The following NRCAM variants were observed in gnomAD, a reference collection of about 807,000 sequenced individuals.
NRCAM encodes the protein neuronal cell adhesion molecule, also known as NgCAM-related cell adhesion molecule.
Under a neutral mutation model 156.5 loss-of-function variants are expected in NRCAM, and 83 were observed. The ratio of observed to expected loss-of-function variants is 0.53; its 90% CI spans 0.44 to 0.64. The LOEUF is 0.64. Ranked by LOEUF, NRCAM falls within the 30% of genes least tolerant of loss-of-function variation. NRCAM has a pLI of 0.00. For synonymous variants in NRCAM, 538 were observed against 563.9 expected, an observed-to-expected ratio of 0.95 and a Z score of 0.65; for missense variants, 1,417 against 1,597.3, an observed-to-expected ratio of 0.89 and a Z score of 1.92.
intron 2 of NRCAM, among the ~76,000 whole-genome samples, chr7:108,342,430 T>C (rs1026057261): frequency 6.6e-6 from 1 of 152,252 alleles, no homozygotes; most frequent in Non-Finnish European, 1.5e-5. Flanking sequence ...ACCAGGCTTC[T>C]GCCGAATATG....
At chr7:108,155,799 T>A (rs75986609) in intron 32 of NRCAM, among the ~76,000 whole-genome samples, 23,370 of 151,872 alleles carry the variant, frequency 0.15, 2,444 homozygotes, top group African/African-American at 0.3. Context: ...GAAAATTTTT[T>A]TAAAAATTCT....
chr7:108,364,496 ACTC>A, intron 2 of NRCAM, among the ~76,000 whole-genome samples: 1 of 151,966 alleles, frequency 6.6e-6, no homozygotes, highest in East Asian at 1.9e-4. Flanking sequence ...CAGAGATTCC[ACTC>A]CTATGTATAG....
intron 13 of NRCAM, among the ~76,000 whole-genome samples, chr7:108,206,212 C>A (rs1198957209): frequency 6.6e-6 from 1 of 152,230 alleles, no homozygotes; most frequent in South Asian, 2.1e-4. Flanking sequence ...AGTCACCCTG[C>A]AGTTGTCAGA....
intron 8 of NRCAM, among the ~76,000 whole-genome samples, chr7:108,228,657 TA>T (rs2093856132): frequency 6.6e-6 from 1 of 152,232 alleles, no homozygotes. Flanking sequence ...AAAAATTAGT[TA>T]TGTATTCAGA....
intron 2 of NRCAM, among the ~76,000 whole-genome samples, chr7:108,347,577 T>C (rs1261319031): frequency 6.6e-6 from 1 of 152,214 alleles, no homozygotes; most frequent in African/African-American, 2.4e-5. Flanking sequence ...CCCTGAGGAT[T>C]TGATCCCCAA....
At chr7:108,268,484 C>A (rs2097190558) in intron 3 of NRCAM, among the ~76,000 whole-genome samples, 1 of 151,968 alleles carries the variant, frequency 6.6e-6, no homozygotes, top group Non-Finnish European at 1.5e-5. Flanking sequence ...CTGGCATAAC[C>A]TCTGTGCAAG....
intron 2 of NRCAM, among the ~76,000 whole-genome samples, chr7:108,324,486 G>T (rs1012258156): frequency 1.3e-5 from 2 of 152,080 alleles, no homozygotes; most frequent in South Asian, 2.1e-4. Context: ...CCAAATTTGG[G>T]TGTAGTCAAA....
chr7:108,378,137 A>G (rs2099684213), intron 2 of NRCAM, among the ~76,000 whole-genome samples: 1 of 152,214 alleles, frequency 6.6e-6, no homozygotes, highest in South Asian at 2.1e-4. Flanking sequence ...CCAGCAGAAT[A>G]CACTGCACAG....
chr7:108,259,992 TTAAAA>T lies in NRCAM; in HGVS notation c.-106-19827_-106-19823del, dbSNP rs2096832619. Reference sequence around the variant, plus strand: ...ACATCCTTCACATGTACCGCAGAACTTAAAATAAAATTTGAATTTTTAAAAAAGCT... The same window carrying T: ...ACATCCTTCACATGTACCGCAGAACTTAAAATTTGAATTTTTAAAAAAGCT... On this transcript the variant is annotated intron_variant, in intron 3 of 32. Coordinates refer to ENST00000379028, the MANE Select transcript of NRCAM (RefSeq NM_001037132.4). Among the ~76,000 whole-genome samples the T allele has an allele frequency of 5.3e-5, 8 of 152,322 alleles. No homozygotes were observed. In the South Asian group the frequency reaches 1.7e-3, roughly 32 times the overall value.
At chr7:108,253,094 T>TA (rs1244618277) in intron 3 of NRCAM, among the ~76,000 whole-genome samples, 9 of 152,230 alleles carry the variant, frequency 5.9e-5, no homozygotes, top group Non-Finnish European at 1.2e-4. Flanking sequence ...CTAAGGCACT[T>TA]AGAGTTCTTT....
At position 108,194,189 on chromosome 7, in the gene NRCAM, C is replaced by G; in HGVS notation, c.1631-18G>C. 6.2e-7 allele frequency: 1 copy of G among 1,612,944 alleles called. No homozygotes were observed. Among genetic ancestry groups the G allele is most frequent in the Non-Finnish European group, 8.5e-7 (1 of 1,178,978 alleles). On this transcript the variant is annotated intron_variant, in intron 16 of 32. Coordinates refer to ENST00000379028, the MANE Select transcript of NRCAM (RefSeq NM_001037132.4). ...TGTAGGATCTGAAATGTAGAGTCAT[C>G]GTTATCCATTTGGCAAAGCTGGAGA...
chr7:108,352,471 C>T (rs979054259), intron 2 of NRCAM, among the ~76,000 whole-genome samples: 5 of 152,136 alleles, frequency 3.3e-5, no homozygotes, highest in Admixed American at 6.5e-5. Context: ...AAAGTAAATA[C>T]GGAGTATCAG....
chr7:108,435,942 C>T (rs1416950297), intron 1 of NRCAM, among the ~76,000 whole-genome samples: 5 of 152,172 alleles, frequency 3.3e-5, no homozygotes, highest in African/African-American at 9.7e-5. Context: ...ACCATCCTGG[C>T]TAACAAGGTA....
At chr7:108,298,825 G>A (rs1047823137) in intron 3 of NRCAM, among the ~76,000 whole-genome samples, 1 of 150,928 alleles carries the variant, frequency 6.6e-6, no homozygotes, top group South Asian at 2.1e-4. Context: ...CACAAATACG[G>A]GGCCAGGCGC....
At chr7:108,160,258 G>A in intron 31 of NRCAM, 103 bp downstream of exon 31, 2 of 1,195,048 alleles carry the variant, frequency 1.7e-6, no homozygotes, top group Non-Finnish European at 2.4e-6. Flanking sequence ...TCATGGCTCT[G>A]GGAAGACAAA....
At chr7:108,298,871 C>T (rs1304660959) in intron 3 of NRCAM, among the ~76,000 whole-genome samples, 31 of 150,904 alleles carry the variant, frequency 2.1e-4, no homozygotes, top group African/African-American at 6.3e-4. Context: ...TTTGTGAAGC[C>T]GAGGCGGGCA....
At chr7:108,168,717 A>G (rs559749239) in intron 28 of NRCAM, among the ~76,000 whole-genome samples, 3 of 152,160 alleles carry the variant, frequency 2.0e-5, no homozygotes, top group Non-Finnish European at 4.4e-5. Context: ...TTCATTTACT[A>G]AAGTGTGATG....
intron 1 of NRCAM, among the ~76,000 whole-genome samples, chr7:108,423,078 T>C (rs1220088029): frequency 1.3e-5 from 2 of 152,134 alleles, no homozygotes; most frequent in Middle Eastern, 3.4e-3. Flanking sequence ...GAGGGGGATA[T>C]AGTTGAGGAT....
At chr7:108,416,105 C>G (rs1405067704) in intron 1 of NRCAM, among the ~76,000 whole-genome samples, 1 of 152,206 alleles carries the variant, frequency 6.6e-6, no homozygotes, top group East Asian at 1.9e-4. Context: ...TCTTCCATGA[C>G]AGAACGGGCC....
Sources: allele counts gnomAD v4.1 joint callset (sites outside exome capture counted in the v4.1 genomes callset), GRCh38; gene constraint gnomAD v4.1.1; transcripts MANE v1.5; gene names NCBI Gene and HGNC (gene_info 2026-07-23, HGNC 2026-07-21).